DPP10: variants seen among roughly 807,000 people sequenced by gnomAD.
DPP10 encodes inactive dipeptidyl peptidase 10.
In DPP10, 33 loss-of-function variants were observed where a neutral mutation model predicts 120.9. That is an observed-to-expected ratio of 0.27 (90% CI 0.21 to 0.37). The LOEUF (loss-of-function observed/expected upper bound fraction) is 0.37. Among genes scored for constraint, DPP10 ranks in the 10% least tolerant of loss-of-function variants. The probability of loss-of-function intolerance (pLI) is 1.00; values close to 1 mark genes in which losing one functional copy is unlikely to be tolerated. For missense variants in DPP10, 816 were observed against 942.8 expected, an observed-to-expected ratio of 0.87 and a Z score of 1.76; for synonymous variants, 337 against 326.1, an observed-to-expected ratio of 1.03 and a Z score of -0.36.
At chr2:115,245,776 A>G (rs1005844276) in intron 1 of DPP10, among the ~76,000 whole-genome samples, 1 of 152,188 alleles carries the variant, frequency 6.6e-6, no homozygotes, top group Admixed American at 6.6e-5. Flanking sequence ...TGAGTTTTAC[A>G]TGATAGATTT....
At chr2:115,421,740 A>G (rs1574794387) in intron 3 of DPP10, among the ~76,000 whole-genome samples, 2 of 151,756 alleles carry the variant, frequency 1.3e-5, no homozygotes, top group Non-Finnish European at 2.9e-5. Flanking sequence ...CAGTGGTGGC[A>G]TGAGCCTTTA....
In DPP10 at chr2:114,941,773, C is replaced by T. The variant is rs191988342; in HGVS notation, c.61-367466C>T. ...CAGTGTTGACAAGCAATCAAAAAGG[C>T]ACATTCCTAGTTGCTATTATGAGGC... On this transcript the variant is annotated intron_variant, in intron 1 of 25. Coordinates refer to ENST00000410059, the MANE Select transcript of DPP10 (RefSeq NM_020868.6). 3.1e-3 allele frequency among the ~76,000 whole-genome samples: 475 copies of T among 152,200 alleles called. 2 individuals are homozygous for T. Among genetic ancestry groups the T allele is most frequent in the Middle Eastern group, 0.01 (3 of 294 alleles).
intron 1 of DPP10, among the ~76,000 whole-genome samples, chr2:114,550,530 C>T (rs1250035270): frequency 1.3e-5 from 2 of 152,222 alleles, no homozygotes; most frequent in African/African-American, 2.4e-5. Flanking sequence ...AGCCCTGGCA[C>T]CTGCTGGTGT....
In DPP10 at chr2:114,838,406, C is replaced by A. The variant is rs369569030; in HGVS notation, c.60+395568C>A. ...TTGGCTCACTGCAACTGCCACCTCCCGGATTTGAGCGACCCTCCCACCTCA... is the reference window on the plus strand; with the variant it reads ...TTGGCTCACTGCAACTGCCACCTCCAGGATTTGAGCGACCCTCCCACCTCA... On this transcript the variant is annotated intron_variant, in intron 1 of 25. Coordinates refer to ENST00000410059, the MANE Select transcript of DPP10 (RefSeq NM_020868.6). Among the ~76,000 whole-genome samples, 156 of 152,190 alleles carry A rather than the reference C, an allele frequency of 1.0e-3. 5 individuals are homozygous for A. In the South Asian group the frequency reaches 0.032, roughly 31 times the overall value.
chr2:115,103,220 C>T (rs2048785998), intron 1 of DPP10, among the ~76,000 whole-genome samples: 1 of 136,836 alleles, frequency 7.3e-6, no homozygotes, highest in Non-Finnish European at 1.5e-5. Context: ...CGGAGTCTCA[C>T]TGTGTCGCCC....
chr2:115,198,705 C>G (rs184918512), intron 1 of DPP10, among the ~76,000 whole-genome samples: 12 of 152,234 alleles, frequency 7.9e-5, no homozygotes, highest in Admixed American at 7.2e-4. Context: ...GCTCATCCCC[C>G]CAGCCCCACC....
intron 1 of DPP10, among the ~76,000 whole-genome samples, chr2:114,488,920 T>C (rs1278764151): frequency 6.6e-6 from 1 of 152,224 alleles, no homozygotes; most frequent in African/African-American, 2.4e-5. Flanking sequence ...TCATGCTAAG[T>C]AATTTTAAAT....
chr2:114,841,869 G>A (rs1023338711), intron 1 of DPP10, among the ~76,000 whole-genome samples: 3 of 151,994 alleles, frequency 2.0e-5, no homozygotes, highest in African/African-American at 7.2e-5. Flanking sequence ...GAGACACCCG[G>A]CACTCATGCT....
At chr2:114,971,792 G>A (rs751213614) in intron 1 of DPP10, among the ~76,000 whole-genome samples, 4 of 152,040 alleles carry the variant, frequency 2.6e-5, no homozygotes, top group Non-Finnish European at 5.9e-5. Context: ...AGAAGATAAC[G>A]ATCAACCTTT....
intron 5 of DPP10, among the ~76,000 whole-genome samples, chr2:115,644,409 G>T (rs185926933): frequency 6.6e-6 from 1 of 151,970 alleles, no homozygotes; most frequent in African/African-American, 2.4e-5. Flanking sequence ...GAGAACATGC[G>T]GTGTTTGGTT....
chr2:114,724,690 G>C (rs1175169067), intron 1 of DPP10, among the ~76,000 whole-genome samples: 1 of 152,184 alleles, frequency 6.6e-6, no homozygotes, highest in Non-Finnish European at 1.5e-5. Flanking sequence ...AAGGCACAAA[G>C]ACAGTTTGTG....
chr2:115,433,689 G>A (rs987036352), intron 3 of DPP10, among the ~76,000 whole-genome samples: 1 of 151,754 alleles, frequency 6.6e-6, no homozygotes, highest in Non-Finnish European at 1.5e-5. Context: ...CTACCCTCAG[G>A]GGTGCACAAA....
At chr2:115,231,449 A>T (rs995296317) in intron 1 of DPP10, among the ~76,000 whole-genome samples, 2 of 152,156 alleles carry the variant, frequency 1.3e-5, no homozygotes, top group Non-Finnish European at 2.9e-5. Flanking sequence ...TCATATTAAT[A>T]CTTAAGGTCT....
chr2:115,653,515 C>T (rs1448330234), intron 5 of DPP10, among the ~76,000 whole-genome samples: 1 of 151,918 alleles, frequency 6.6e-6, no homozygotes, highest in Non-Finnish European at 1.5e-5. Flanking sequence ...ATTTAATGCT[C>T]CTAAAAGTTT....
rs58542777 is a variant in DPP10, at chr2:115,531,148, G to GTTTTTT, written c.441+5186_441+5191dup. Among the ~76,000 whole-genome samples the GTTTTTT allele has an allele frequency of 2.4e-5, 3 of 125,874 alleles. 1 individual carries two copies. The highest frequency in any genetic ancestry group is 3.7e-5 in the Non-Finnish European group (2 of 54,518). The allele number at this position is 125,874 out of a possible 152,430, so 82.6% of individuals were successfully genotyped here. ...CTTACCTAATATGATTCAAGATTGA[G>GTTTTTT]TTTTTTTTTTTTTTTCCTGAAACAG... On this transcript the variant is annotated intron_variant, in intron 5 of 25. Transcript: ENST00000410059.
intron 5 of DPP10, among the ~76,000 whole-genome samples, chr2:115,601,442 A>G (rs1442718435): frequency 6.6e-6 from 1 of 152,184 alleles, no homozygotes; most frequent in Non-Finnish European, 1.5e-5. Context: ...TTTTCACATC[A>G]GATAATGCCA....
intron 5 of DPP10, among the ~76,000 whole-genome samples, chr2:115,634,891 C>A (rs950243911): frequency 3.9e-5 from 6 of 151,996 alleles, no homozygotes; most frequent in African/African-American, 1.4e-4. Context: ...GATTAGAGTT[C>A]TGTTGCTAAA....
At chr2:115,597,589 T>C (rs909608116) in intron 5 of DPP10, among the ~76,000 whole-genome samples, 1 of 150,214 alleles carries the variant, frequency 6.7e-6, no homozygotes, top group Non-Finnish European at 1.5e-5. Flanking sequence ...ATATGCATTA[T>C]ATATATTTCA....
chr2:114,453,169 T>A (rs1678378695), intron 1 of DPP10, among the ~76,000 whole-genome samples: 2 of 152,080 alleles, frequency 1.3e-5, no homozygotes, highest in South Asian at 4.2e-4. Flanking sequence ...GATTTTAGAA[T>A]CTGACAGACA....
Sources: gnomAD v4.1 joint callset for allele counts (sites outside exome capture counted in the v4.1 genomes callset) on GRCh38, gnomAD v4.1.1 for gene constraint, MANE v1.5 for transcripts, NCBI Gene and HGNC (gene_info 2026-07-23, HGNC 2026-07-21) for gene names.